SOX5: variants seen among roughly 807,000 people sequenced by gnomAD.
SOX5 encodes the protein transcription factor SOX-5.
In SOX5, 9 loss-of-function variants were observed where a neutral mutation model predicts 92.0. The observed-to-expected ratio is 0.10, with a 90% CI of 0.06 to 0.17. The LOEUF (loss-of-function observed/expected upper bound fraction) is 0.17. Ranked by LOEUF, SOX5 falls within the 10% of genes least tolerant of loss-of-function variation. The pLI is 1.00. For missense variants in SOX5, 642 were observed against 944.5 expected (o/e 0.68, Z 4.20); for synonymous variants, 344 against 336.3 (o/e 1.02, Z -0.25).
At chr12:24,481,906 A>G (rs1465093943) in intron 1 of SOX5, among the ~76,000 whole-genome samples, 1 of 152,196 alleles carries the variant, frequency 6.6e-6, no homozygotes, top group African/African-American at 2.4e-5. Context: ...TATTAAAATT[A>G]ATTCTTAAAA....
chr12:24,123,344 T>C (rs1042142889), intron 4 of SOX5, among the ~76,000 whole-genome samples: 1 of 152,034 alleles, frequency 6.6e-6, no homozygotes, highest in Non-Finnish European at 1.5e-5. Context: ...AGATAGAGAG[T>C]TATAGTTAGA....
At chr12:23,768,113 A>G (rs2094800602) in intron 3 of SOX5, among the ~76,000 whole-genome samples, 1 of 152,122 alleles carries the variant, frequency 6.6e-6, no homozygotes, top group African/African-American at 2.4e-5. Context: ...CTTATTTACA[A>G]CAGTCTAGGG....
rs1208383592 is a variant in SOX5, at chr12:23,532,096, TTATTATTATTATTAC to T, written c.*2108_*2122del. On this transcript the variant is annotated 3_prime_UTR_variant, in exon 15 of 15. Transcript: ENST00000451604. ...TTACTAATCTGGGAACAGCTGACCA[TTATTATTATTATTAC>T]TATTATTATTATTATTTTATCATCA... is the stretch of plus-strand genomic sequence containing the variant. 6.6e-6 allele frequency: 1 copy of T among 150,890 alleles called. No homozygotes were observed. The highest frequency in any genetic ancestry group is 1.5e-5 in the Non-Finnish European group (1 of 67,742). 9.3% of individuals were successfully genotyped at this position (150,890 alleles called of 1,614,324 possible).
At chr12:23,951,653 T>TACACAC (rs71059949), upstream of SOX5, among the ~76,000 whole-genome samples, 12 of 151,582 alleles carry the variant, frequency 7.9e-5, no homozygotes, top group African/African-American at 2.4e-4. Context: ...AATATATATA[T>TACACAC]ACACACACAC....
chr12:24,394,986 T>C (rs964103274), intron 1 of SOX5, among the ~76,000 whole-genome samples: 2 of 152,206 alleles, frequency 1.3e-5, no homozygotes, highest in South Asian at 2.1e-4. Context: ...CAAAGCTTGA[T>C]GATCTCAAAG....
intron 1 of SOX5, among the ~76,000 whole-genome samples, chr12:24,465,797 C>T (rs933883033): frequency 6.6e-5 from 10 of 152,124 alleles, no homozygotes; most frequent in South Asian, 2.1e-4. Context: ...TAGTTGTTGA[C>T]GGCAAATCAT....
At chr12:24,027,565 C>T (rs1955016153) in intron 4 of SOX5, among the ~76,000 whole-genome samples, 1 of 151,950 alleles carries the variant, frequency 6.6e-6, no homozygotes, top group South Asian at 2.1e-4. Flanking sequence ...AGAGGCATAG[C>T]AAGAGGCAGA....
intron 4 of SOX5, among the ~76,000 whole-genome samples, chr12:24,082,215 G>T (rs1569536782): frequency 6.6e-6 from 1 of 151,554 alleles, no homozygotes; most frequent in Non-Finnish European, 1.5e-5. Context: ...GATGGGACTG[G>T]AACTATTATA....
At chr12:23,897,654 C>T (rs955210582) in intron 1 of SOX5, among the ~76,000 whole-genome samples, 2 of 152,102 alleles carry the variant, frequency 1.3e-5, no homozygotes, top group Non-Finnish European at 2.9e-5. Context: ...ATGAGGAAAA[C>T]AGATTGCCTA....
rs79046826 is a variant in SOX5 at position 23,614,303 on chromosome 12, G to A, written c.1018-9770C>T. Among the ~76,000 whole-genome samples the A allele has an allele frequency of 6.7e-3, 1,017 of 152,290 alleles. 8 individuals carry two copies. The highest frequency in any genetic ancestry group is 0.024 in the African/African-American group (988 of 41,574). ...AGCATTTAAGACTTTTCTGTACACA[G>A]CAGAAGACCCTCCTCCCCCTTTTTG... On this transcript the variant is annotated intron_variant, in intron 8 of 14. Transcript: ENST00000451604.
At chr12:23,580,260 C>T (rs1377053004) in intron 9 of SOX5, among the ~76,000 whole-genome samples, 2 of 152,090 alleles carry the variant, frequency 1.3e-5, no homozygotes, top group African/African-American at 4.8e-5. Context: ...CTTTTAATTT[C>T]TGTGACAAAT....
chr12:23,981,792 C>T (rs1949591074), intron 4 of SOX5, among the ~76,000 whole-genome samples: 1 of 152,084 alleles, frequency 6.6e-6, no homozygotes, highest in African/African-American at 2.4e-5. Context: ...ATTAATTCTT[C>T]TAAATTCTCA....
chr12:24,326,801 C>CACACACACACACACACACAG (rs1303523460), intron 2 of SOX5, among the ~76,000 whole-genome samples: 1 of 151,800 alleles, frequency 6.6e-6, no homozygotes, highest in African/African-American at 2.4e-5. Flanking sequence ...TACACACACA[C>CACACACACACACACACACAG]ACACACACAG....
At chr12:23,787,634 G>A (rs1312007370) in intron 3 of SOX5, among the ~76,000 whole-genome samples, 6 of 151,904 alleles carry the variant, frequency 3.9e-5, no homozygotes. Context: ...AAAGTCTTCA[G>A]TAAGAGAATA....
intron 4 of SOX5, among the ~76,000 whole-genome samples, chr12:23,748,918 G>A (rs1158484041): frequency 6.6e-6 from 1 of 151,792 alleles, no homozygotes; most frequent in Non-Finnish European, 1.5e-5. Flanking sequence ...AAATACTAAT[G>A]GTATTTGCTA....
At chr12:23,726,114 T>A (rs2093099071) in intron 6 of SOX5, among the ~76,000 whole-genome samples, 1 of 122,722 alleles carries the variant, frequency 8.1e-6, no homozygotes, top group Admixed American at 8.5e-5. Flanking sequence ...AATACATACA[T>A]CCCCGAGAGA....
At chr12:24,130,398 A>G (rs778990921) in intron 4 of SOX5, among the ~76,000 whole-genome samples, 1 of 152,240 alleles carries the variant, frequency 6.6e-6, no homozygotes, top group African/African-American at 2.4e-5. Flanking sequence ...GCTTATAGGT[A>G]TAAGAAAGAG....
chr12:23,595,450 G>A (rs545014317), intron 9 of SOX5, among the ~76,000 whole-genome samples: 39 of 151,822 alleles, frequency 2.6e-4, no homozygotes, highest in South Asian at 6.3e-4. Context: ...GTGAAACCCC[G>A]TCTCTACTAA....
In SOX5 at chr12:24,340,076, C is replaced by G. The variant is rs996677043; in HGVS notation, c.-174+28487G>C. Among the ~76,000 whole-genome samples, 3 of 152,232 alleles carry G rather than the reference C, an allele frequency of 2.0e-5. No individual in the cohort carries two copies. In the East Asian group the frequency reaches 5.8e-4, roughly 29 times the overall value. On this transcript the variant is annotated intron_variant, in intron 2 of 4. Transcript: ENST00000446891. ...CTTGCAGGCCACCATCAGCCCATGT[C>G]CAGTCCTGTTAGCCTCCTCTCTTAC...
Sources: allele counts gnomAD v4.1 joint callset (sites outside exome capture counted in the v4.1 genomes callset), GRCh38; gene constraint gnomAD v4.1.1; transcripts MANE v1.5; gene names NCBI Gene and HGNC (gene_info 2026-07-23, HGNC 2026-07-21).